The following STX8 variants were observed in gnomAD, a reference collection of about 807,000 sequenced individuals.
STX8 encodes the protein syntaxin-8.
STX8 carries 23 observed loss-of-function variants against 37.5 expected under a neutral mutation model. The observed-to-expected ratio is 0.61, with a 90% CI of 0.44 to 0.87. STX8 has a LOEUF of 0.87. Among genes scored for constraint, STX8 ranks in the 40% least tolerant of loss-of-function variants. The pLI is 0.00. For missense variants in STX8, 313 were observed against 284.7 expected (o/e 1.10, Z -0.71); for synonymous variants, 115 against 99.1 (o/e 1.16, Z -0.95).
At chr17:9,310,443 G>A (rs1459088601) in intron 7 of STX8, among the ~76,000 whole-genome samples, 1 of 152,152 alleles carries the variant, frequency 6.6e-6, no homozygotes, top group Admixed American at 6.5e-5. Flanking sequence ...TCACTACCTG[G>A]AGGAATTCAG....
intron 7 of STX8, among the ~76,000 whole-genome samples, chr17:9,312,737 A>G (rs770416952): frequency 5.3e-5 from 8 of 152,192 alleles, no homozygotes; most frequent in Non-Finnish European, 1.0e-4. Flanking sequence ...AGGTGGTTAC[A>G]TTACAGAGAG....
In STX8 at chr17:9,352,569, G is replaced by A. The variant is rs915302229; in HGVS notation, c.643+25983C>T. The stretch of plus-strand genomic sequence containing the variant: ...TGCAAGCTCCGCCTCCCGGGTTCAC[G>A]CCATTCTCCTGCCTCAGCCTCCCGG... On this transcript the variant is annotated intron_variant, in intron 7 of 7. Transcript: ENST00000306357. Among the ~76,000 whole-genome samples, 4 of 146,082 alleles carry A rather than the reference G, an allele frequency of 2.7e-5. 1 individual carries two copies. Among genetic ancestry groups the A allele is most frequent in the African/African-American group, 1.0e-4 (4 of 39,192 alleles).
Position 9,250,543 on chromosome 17 carries a change from G to C in STX8, c.*35C>G. 6.4e-7 allele frequency: 1 copy of C among 1,558,300 alleles called. No individual in the cohort carries two copies. The highest frequency in any genetic ancestry group is 8.7e-7 in the Non-Finnish European group (1 of 1,146,362). On this transcript the variant is annotated 3_prime_UTR_variant, in exon 8 of 8. Transcript: ENST00000306357. ...GGGTGTTGGGCTTGCATCTGTCATT[G>C]GCAGGTGTCACTGCTGGTGGTCTCT...
intron 2 of STX8, among the ~76,000 whole-genome samples, chr17:9,559,760 A>ATATATATATATATATATTTTTTTTT: frequency 4.1e-5 from 1 of 24,492 alleles, no homozygotes; most frequent in African/African-American, 1.9e-4. Flanking sequence ...ATATATATAT[A>ATATATATATATATATATTTTTTTTT]TTTTTTTTTT....
At chr17:9,251,551 A>C (rs1417880535) in intron 7 of STX8, among the ~76,000 whole-genome samples, 1 of 152,238 alleles carries the variant, frequency 6.6e-6, no homozygotes, top group Non-Finnish European at 1.5e-5. Context: ...GGTGGGTAGC[A>C]GAGGAGGAGA....
At chr17:9,548,682 T>G (rs1906647810) in intron 3 of STX8, 1 of 152,148 alleles carries the variant, frequency 6.6e-6, no homozygotes, top group East Asian at 1.9e-4. Flanking sequence ...TAATGATAAT[T>G]AACATTTTTG....
chr17:9,515,646 C>T (rs1369928581), intron 4 of STX8, among the ~76,000 whole-genome samples: 1 of 152,208 alleles, frequency 6.6e-6, no homozygotes, highest in Non-Finnish European at 1.5e-5. Flanking sequence ...CCTCAGCCTC[C>T]TGAGTAGCTG....
intron 6 of STX8, among the ~76,000 whole-genome samples, chr17:9,480,874 A>ATTTCTTTCTTTTCTTTCTTTC (rs1906303905): frequency 6.6e-6 from 1 of 151,024 alleles, no homozygotes; most frequent in Admixed American, 6.6e-5. Flanking sequence ...TCCTATGCCA[A>ATTTCTTTCTTTTCTTTCTTTC]TTTCTTTCTT....
rs145385927 is a variant in STX8, at chr17:9,411,569, C to T, written c.542-32916G>A. On this transcript the variant is annotated intron_variant, in intron 6 of 7. Coordinates refer to ENST00000306357, the MANE Select transcript of STX8 (RefSeq NM_004853.3). ...TGTAAAATTCTCAAAAGCAGTTCAG[C>T]TGTTTCCAAATTGCACATCGGAAAA... Among the ~76,000 whole-genome samples, 246 of 152,334 alleles carry T rather than the reference C, an allele frequency of 1.6e-3. 2 individuals are homozygous for T. Among genetic ancestry groups the T allele is most frequent in the African/African-American group, 5.2e-3 (215 of 41,588 alleles).
intron 7 of STX8, among the ~76,000 whole-genome samples, chr17:9,323,810 G>A (rs1027491531): frequency 6.6e-6 from 1 of 152,174 alleles, no homozygotes; most frequent in Admixed American, 6.5e-5. Flanking sequence ...TCCATATGCT[G>A]GGCATTCAAG....
intron 6 of STX8, among the ~76,000 whole-genome samples, chr17:9,454,730 T>G (rs997002200): frequency 1.3e-5 from 2 of 151,718 alleles, no homozygotes; most frequent in Non-Finnish European, 2.9e-5. Flanking sequence ...TATTTTCCAT[T>G]TAATATATTG....
chr17:9,534,903 A>T (rs890105654), intron 4 of STX8, among the ~76,000 whole-genome samples: 1 of 152,218 alleles, frequency 6.6e-6, no homozygotes, highest in African/African-American at 2.4e-5. Context: ...AAGTAGACAG[A>T]AGGACCAATG....
Position 9,428,475 on chromosome 17 carries a change from T to C in STX8, c.542-49822A>G, listed in dbSNP as rs568055780. On this transcript the variant is annotated intron_variant, in intron 6 of 7. Transcript: ENST00000306357. The stretch of plus-strand genomic sequence containing the variant: ...CAGGATGGTCTTGATCTCCTGACCT[T>C]GTGATCCACCCGCCTTGGCCTCCCA... 1.1e-3 allele frequency among the ~76,000 whole-genome samples: 162 copies of C among 152,290 alleles called. 2 individuals are homozygous for C. The highest frequency in any genetic ancestry group is 6.4e-3 in the South Asian group (31 of 4,820).
intron 4 of STX8, among the ~76,000 whole-genome samples, chr17:9,527,955 C>G (rs1398014215): frequency 6.6e-6 from 1 of 152,158 alleles, no homozygotes. Flanking sequence ...AAAAACTAAA[C>G]AACCCAACGT....
intron 6 of STX8, among the ~76,000 whole-genome samples, chr17:9,412,972 A>G (rs1348817367): frequency 6.6e-6 from 1 of 152,218 alleles, no homozygotes; most frequent in Non-Finnish European, 1.5e-5. Context: ...AAAAGTTGCA[A>G]TAGGACAAAG....
chr17:9,287,572 G>C (rs577483306), intron 7 of STX8, among the ~76,000 whole-genome samples: 1 of 152,182 alleles, frequency 6.6e-6, no homozygotes, highest in East Asian at 1.9e-4. Context: ...CACTCATTAG[G>C]GGGGACTACA....
chr17:9,290,835 C>A (rs778019472), intron 7 of STX8, among the ~76,000 whole-genome samples: 2 of 152,208 alleles, frequency 1.3e-5, no homozygotes, highest in Non-Finnish European at 2.9e-5. Context: ...CAGTCCAGGA[C>A]GTACATGCTT....
chr17:9,550,989 C>T (rs1906738334), intron 3 of STX8, among the ~76,000 whole-genome samples: 2 of 152,178 alleles, frequency 1.3e-5, no homozygotes, highest in African/African-American at 2.4e-5. Context: ...GTAGGAGAAT[C>T]GCTTGAACCT....
Position 9,556,113 on chromosome 17 carries a change from G to A in STX8, c.212+1321C>T, listed in dbSNP as rs529235509. Among the ~76,000 whole-genome samples, 5 of 152,272 alleles carry A rather than the reference G, an allele frequency of 3.3e-5. No individual in the cohort carries two copies. In the East Asian group the frequency reaches 5.8e-4, roughly 18 times the overall value. ...TTTTATTTGAAACCTTAGTGGATCC[G>A]TAATTGAATGTCTAGAAAACCATGC... On this transcript the variant is annotated intron_variant, in intron 3 of 7. Transcript: ENST00000306357.
Sources: gnomAD v4.1 joint callset for allele counts (sites outside exome capture counted in the v4.1 genomes callset) on GRCh38, gnomAD v4.1.1 for gene constraint, MANE v1.5 for transcripts, NCBI Gene and HGNC (gene_info 2026-07-23, HGNC 2026-07-21) for gene names.